The following TESC variants were observed in gnomAD, a reference collection of about 807,000 sequenced individuals.
The protein encoded by TESC is tescalcin, also known as calcineurin B homologous protein 3.
Under a neutral mutation model 31.0 loss-of-function variants are expected in TESC, and 19 were observed. That is an observed-to-expected ratio of 0.61 (90% confidence interval 0.43 to 0.90). TESC has a LOEUF of 0.90. Ranked by LOEUF, TESC falls within the 40% of genes least tolerant of loss-of-function variation. The pLI is 0.00. For missense variants in TESC, 248 were observed against 303.8 expected (o/e 0.82, Z 1.36); for synonymous variants, 109 against 114.8 (o/e 0.95, Z 0.32).
intron 2 of TESC, among the ~76,000 whole-genome samples, chr12:117,071,965 T>C (rs1954979789): frequency 6.6e-6 from 1 of 152,178 alleles, no homozygotes; most frequent in African/African-American, 2.4e-5. Context: ...AAAACCTGCA[T>C]GGCAGCAAGA....
chr12:117,083,585 C>T (rs1955177853), intron 1 of TESC, among the ~76,000 whole-genome samples: 2 of 152,346 alleles, frequency 1.3e-5, no homozygotes, highest in East Asian at 3.9e-4. Context: ...TTGGTAAATG[C>T]TACAGCATGG....
At chr12:117,052,468 G>C (rs1565961484) in intron 3 of TESC, among the ~76,000 whole-genome samples, 3 of 152,188 alleles carry the variant, frequency 2.0e-5, no homozygotes, top group Admixed American at 2.0e-4. Flanking sequence ...TCTGGGTGCA[G>C]GCCAGAGGAA....
intron 1 of TESC, among the ~76,000 whole-genome samples, chr12:117,075,904 T>TGTGTGTGTGTGTGTATATATAC (rs1955059967): frequency 1.1e-5 from 1 of 91,358 alleles, no homozygotes; most frequent in African/African-American, 6.8e-5. Flanking sequence ...TATATATATA[T>TGTGTGTGTGTGTGTATATATAC]ATATATATAT....
intron 4 of TESC, 171 bp downstream of exon 4, chr12:117,048,848 G>T: frequency 9.7e-7 from 1 of 1,033,850 alleles, no homozygotes; most frequent in South Asian, 1.4e-5. Flanking sequence ...GCCGGGAACG[G>T]GAGACAGCAA....
At chr12:117,075,896 T>TATAC (rs1955058175) in intron 1 of TESC, among the ~76,000 whole-genome samples, 1 of 76,838 alleles carries the variant, frequency 1.3e-5, no homozygotes, top group African/African-American at 7.8e-5. Context: ...TATATATATA[T>TATAC]ATATATATAT....
intron 1 of TESC, among the ~76,000 whole-genome samples, chr12:117,079,490 A>G (rs931792480): frequency 2.0e-5 from 3 of 151,710 alleles, no homozygotes; most frequent in African/African-American, 7.3e-5. Flanking sequence ...TGAACCCGGG[A>G]GGCGGAGGTT....
At chr12:117,063,041 C>T (rs1249458215) in intron 2 of TESC, among the ~76,000 whole-genome samples, 2 of 152,188 alleles carry the variant, frequency 1.3e-5, no homozygotes, top group African/African-American at 4.8e-5. Context: ...TCAGAATGTC[C>T]CCCTGGAGTC....
chr12:117,097,873 G>A (rs148419140), intron 1 of TESC, among the ~76,000 whole-genome samples: 2 of 151,522 alleles, frequency 1.3e-5, no homozygotes, highest in East Asian at 3.9e-4. Flanking sequence ...TTTACTTTGC[G>A]GCTCCAGCTC....
intron 3 of TESC, 131 bp downstream of exon 3, chr12:117,056,675 A>G: frequency 1.0e-6 from 1 of 966,960 alleles, no homozygotes; most frequent in Non-Finnish European, 1.6e-6. Flanking sequence ...ACCTATGCTC[A>G]TAACCCCTAC....
chr12:117,086,022 A>G lies in TESC; in HGVS notation c.59-10682T>C, dbSNP rs181085582. ...CAGCCCTGTCATACTCCAAGAAGGGATAACACTAGATATACAAGGCCAGCC... is the reference window on the plus strand; with the variant it reads ...CAGCCCTGTCATACTCCAAGAAGGGGTAACACTAGATATACAAGGCCAGCC... On this transcript the variant is annotated intron_variant, in intron 1 of 7. Transcript: ENST00000335209. Among the ~76,000 whole-genome samples the G allele has an allele frequency of 5.8e-4, 89 of 152,310 alleles. No homozygotes were observed. The East Asian group carries it at 9.5e-3, about 16-fold the overall frequency.
At chr12:117,062,471 C>T (rs1954812267) in intron 2 of TESC, among the ~76,000 whole-genome samples, 1 of 152,218 alleles carries the variant, frequency 6.6e-6, no homozygotes, top group South Asian at 2.1e-4. Flanking sequence ...ATCTGCCCTC[C>T]TCAGCCTCCC....
intron 2 of TESC, among the ~76,000 whole-genome samples, chr12:117,059,888 G>A (rs553542357): frequency 6.6e-6 from 1 of 152,258 alleles, no homozygotes; most frequent in African/African-American, 2.4e-5. Context: ...CATTGCACCT[G>A]TCCAGGAACG....
At chr12:117,088,834 A>G (rs998681507) in intron 1 of TESC, among the ~76,000 whole-genome samples, 23 of 152,262 alleles carry the variant, frequency 1.5e-4, no homozygotes, top group Non-Finnish European at 8.8e-5. Flanking sequence ...AAATGGAAGG[A>G]AAGGGCAATA....
chr12:117,082,927 AAAAG>A (rs1955168456), intron 1 of TESC, among the ~76,000 whole-genome samples: 1 of 151,574 alleles, frequency 6.6e-6, no homozygotes, highest in African/African-American at 2.4e-5. Context: ...AATGATAAAT[AAAAG>A]AAATAATAGA....
At chr12:117,089,748 A>T (rs1955280962) in intron 1 of TESC, among the ~76,000 whole-genome samples, 1 of 152,206 alleles carries the variant, frequency 6.6e-6, no homozygotes, top group African/African-American at 2.4e-5. Flanking sequence ...ATTAAGAGGC[A>T]TGCAGACAGA....
At chr12:117,069,134 G>T (rs140192580) in intron 2 of TESC, among the ~76,000 whole-genome samples, 2 of 151,720 alleles carry the variant, frequency 1.3e-5, no homozygotes, top group African/African-American at 4.9e-5. Context: ...GCATTTTGCC[G>T]AGAGGCCACA....
intron 1 of TESC, among the ~76,000 whole-genome samples, chr12:117,095,155 A>C (rs1955373941): frequency 6.6e-6 from 1 of 151,672 alleles, no homozygotes; most frequent in Non-Finnish European, 1.5e-5. Context: ...GCTCACCGCA[A>C]CCTCCGCCAC....
intron 1 of TESC, among the ~76,000 whole-genome samples, chr12:117,085,822 G>T (rs1443867409): frequency 6.6e-6 from 1 of 152,200 alleles, no homozygotes; most frequent in Non-Finnish European, 1.5e-5. Flanking sequence ...TGATACAGAG[G>T]TGACAACGGG....
intron 1 of TESC, 99 bp downstream of exon 1, chr12:117,099,126 G>T: frequency 7.6e-7 from 1 of 1,313,118 alleles, no homozygotes. Flanking sequence ...GCCCGCCACT[G>T]GCCCAAGGTC....
Sources: allele counts gnomAD v4.1 joint callset (sites outside exome capture counted in the v4.1 genomes callset), GRCh38; gene constraint gnomAD v4.1.1; transcripts MANE v1.5; gene names NCBI Gene and HGNC (gene_info 2026-07-23, HGNC 2026-07-21).